Variants in RPA3 observed in about 807,000 individuals in gnomAD.
RPA3 encodes replication protein A 14 kDa subunit.
In RPA3, 24 loss-of-function variants were observed where a neutral mutation model predicts 13.7. That is an observed-to-expected ratio of 1.75 (90% confidence interval 1.27 to 2.46). The LOEUF is 2.46. Among genes scored for constraint, RPA3 ranks in the 30% most tolerant of loss-of-function variants. RPA3 has a pLI of 0.00. For synonymous variants in RPA3, 59 were observed against 51.2 expected, an observed-to-expected ratio of 1.15 and a Z score of -0.65; for missense variants, 183 against 151.0, an observed-to-expected ratio of 1.21 and a Z score of -1.11.
rs147460919 is a variant in RPA3 at position 7,668,208 on chromosome 7, T to A, written c.-758+17622A>T. Among the ~76,000 whole-genome samples, 72 of 152,254 alleles carry A rather than the reference T, an allele frequency of 4.7e-4. 1 individual carries two copies. The East Asian group carries it at 0.013, about 27-fold the overall frequency. ...GATTACAGGTGTAAGCCACCATGCC[T>A]GGTCCTACTTTACTTCTTTTACTTA... On this transcript the variant is annotated intron_variant, in intron 4 of 7. Transcript: ENST00000223129.
chr7:7,717,932 A>G (rs1780957190), intron 1 of RPA3, among the ~76,000 whole-genome samples: 1 of 152,232 alleles, frequency 6.6e-6, no homozygotes, highest in African/African-American at 2.4e-5. Context: ...TTGATGTTTA[A>G]TTGTAATATT....
intron 2 of RPA3, among the ~76,000 whole-genome samples, chr7:7,702,064 A>G (rs915735796): frequency 2.6e-5 from 4 of 152,284 alleles, no homozygotes; most frequent in African/African-American, 9.6e-5. Flanking sequence ...ATATATTCAC[A>G]TATAGTTGAA....
At chr7:7,683,469 G>T (rs1779961769) in intron 4 of RPA3, among the ~76,000 whole-genome samples, 1 of 151,968 alleles carries the variant, frequency 6.6e-6, no homozygotes, top group African/African-American at 2.4e-5. Flanking sequence ...AAAATATAAA[G>T]TTACAGTTTC....
chr7:7,648,731 T>C (rs13247134), intron 4 of RPA3, among the ~76,000 whole-genome samples: 20,805 of 151,946 alleles, frequency 0.14, 1,851 homozygotes, highest in Middle Eastern at 0.2. Context: ...TGTGTGCCTG[T>C]GGTCCTAGCT....
At chr7:7,711,765 C>CT (rs1780770039) in intron 2 of RPA3, among the ~76,000 whole-genome samples, 1 of 151,808 alleles carries the variant, frequency 6.6e-6, no homozygotes, top group South Asian at 2.1e-4. Flanking sequence ...TTATGTTTTT[C>CT]TTTTTATCTG....
chr7:7,671,207 G>C (rs971017340), intron 4 of RPA3, among the ~76,000 whole-genome samples: 4 of 152,142 alleles, frequency 2.6e-5, no homozygotes, highest in Admixed American at 6.5e-5. Flanking sequence ...AGTCAGCTTC[G>C]TGTGTCAATA....
intron 2 of RPA3, among the ~76,000 whole-genome samples, chr7:7,690,074 C>T (rs897888687): frequency 1.2e-4 from 18 of 152,068 alleles, no homozygotes; most frequent in African/African-American, 3.4e-4. Flanking sequence ...ATTATATTTT[C>T]CCACCCATTT....
At chr7:7,644,807 C>G (rs1232270129) in intron 4 of RPA3, among the ~76,000 whole-genome samples, 1 of 152,026 alleles carries the variant, frequency 6.6e-6, no homozygotes, top group African/African-American at 2.4e-5. Context: ...TTATTTTTGT[C>G]TCTTTGCTCT....
chr7:7,640,602 G>GC lies in RPA3; in HGVS notation c.-185dup. 1.6e-6 allele frequency: 1 copy of GC among 612,082 alleles called. No individual in the cohort carries two copies. Among genetic ancestry groups the GC allele is most frequent in the South Asian group, 1.9e-5 (1 of 52,664 alleles). The allele number at this position is 612,082 out of a possible 1,614,324, so 37.9% of individuals were successfully genotyped here. A position where few individuals can be genotyped will look rare whatever the true frequency, so the allele number is the denominator to read the frequency against. ...TGTCTCTGAAAGGGGTGGAGAAGGG[G>GC]CTGGATGAGTCCGGAAGTGGAGATT... On this transcript the variant is annotated 5_prime_UTR_variant, in exon 5 of 8. Transcript: ENST00000223129.
At chr7:7,715,554 T>C (rs186296673) in intron 1 of RPA3, among the ~76,000 whole-genome samples, 1 of 152,310 alleles carries the variant, frequency 6.6e-6, no homozygotes. Context: ...TGCTGGGTGT[T>C]GGGTATGCCA....
chr7:7,667,467 T>C (rs991043356), intron 4 of RPA3, among the ~76,000 whole-genome samples: 8 of 152,188 alleles, frequency 5.3e-5, no homozygotes, highest in African/African-American at 1.9e-4. Flanking sequence ...CTTAAATTAC[T>C]CTTAATTCTG....
At chr7:7,666,148 A>G (rs1018898225) in intron 4 of RPA3, among the ~76,000 whole-genome samples, 13 of 152,078 alleles carry the variant, frequency 8.5e-5, no homozygotes, top group South Asian at 2.1e-4. Flanking sequence ...CAGTTGCTCC[A>G]TATCTTTGCC....
chr7:7,714,107 A>G (rs930211880), intron 2 of RPA3, among the ~76,000 whole-genome samples: 2 of 152,252 alleles, frequency 1.3e-5, no homozygotes. Context: ...AAGATTTTTA[A>G]TTTAATGTCC....
intron 4 of RPA3, among the ~76,000 whole-genome samples, chr7:7,644,189 T>TTGAAC (rs1433154466): frequency 6.6e-6 from 1 of 152,226 alleles, no homozygotes; most frequent in Admixed American, 6.5e-5. Context: ...ACTGAAAAGT[T>TTGAAC]TGAACATTTT....
intron 2 of RPA3, among the ~76,000 whole-genome samples, chr7:7,695,555 A>G (rs1385883238): frequency 6.6e-6 from 1 of 152,138 alleles, no homozygotes; most frequent in Non-Finnish European, 1.5e-5. Context: ...GAGCAAGAAC[A>G]CTCAAGCTTT....
intron 4 of RPA3, among the ~76,000 whole-genome samples, chr7:7,655,790 G>A (rs922984428): frequency 6.6e-6 from 1 of 151,554 alleles, no homozygotes; most frequent in Non-Finnish European, 1.5e-5. Flanking sequence ...ATTTTTGTAG[G>A]TATATAGTAA....
chr7:7,695,142 G>A (rs28912708), intron 2 of RPA3, among the ~76,000 whole-genome samples: 1 of 152,298 alleles, frequency 6.6e-6, no homozygotes, highest in Non-Finnish European at 1.5e-5. Context: ...GATCAGTAAT[G>A]TTGAGCACCT....
intron 1 of RPA3, among the ~76,000 whole-genome samples, chr7:7,715,523 A>G (rs1312466721): frequency 6.6e-6 from 1 of 152,184 alleles, no homozygotes; most frequent in Non-Finnish European, 1.5e-5. Context: ...ATATCTGAAT[A>G]TTTCTGTGTG....
chr7:7,708,260 C>G (rs1780655911), intron 2 of RPA3, among the ~76,000 whole-genome samples: 1 of 152,132 alleles, frequency 6.6e-6, no homozygotes, highest in Non-Finnish European at 1.5e-5. Context: ...TAAAATGAAT[C>G]TTTTCTTCGT....
Sources: allele counts gnomAD v4.1 joint callset (sites outside exome capture counted in the v4.1 genomes callset), GRCh38; gene constraint gnomAD v4.1.1; transcripts MANE v1.5; gene names NCBI Gene and HGNC (gene_info 2026-07-23, HGNC 2026-07-21).